The following ITGA4 variants were observed in gnomAD, a reference collection of about 807,000 sequenced individuals.
ITGA4 encodes the protein integrin alpha-4.
Under a neutral mutation model 133.6 loss-of-function variants are expected in ITGA4, and 63 were observed. The ratio of observed to expected loss-of-function variants is 0.47; its 90% CI spans 0.38 to 0.58. The LOEUF (loss-of-function observed/expected upper bound fraction) is 0.58, where lower values mean the gene tolerates loss of function less well. Ranked by LOEUF, ITGA4 falls within the 20% of genes least tolerant of loss-of-function variation. The pLI is 0.00. For synonymous variants in ITGA4, 483 were observed against 438.0 expected (o/e 1.10, Z -1.28); for missense variants, 1,076 against 1,252.7 (o/e 0.86, Z 2.13).
chr2:181,511,347 A>G (rs1204181456), intron 16 of ITGA4, among the ~76,000 whole-genome samples: 1 of 152,124 alleles, frequency 6.6e-6, no homozygotes, highest in Non-Finnish European at 1.5e-5. Flanking sequence ...AAATGGGATC[A>G]AACTGCAGCA....
rs1553511174 is a variant in ITGA4 at position 181,537,261 on chromosome 2, C to CCTACTCAGAACTACT, written c.*1736_*1750dup. ...TAAGGAAATTTACATTTGGTTCTTT[C>CCTACTCAGAACTACT]CTACTCAGAACTACTCAGAAACAAC... On this transcript the variant is annotated 3_prime_UTR_variant, in exon 28 of 28. Transcript: ENST00000397033. 13 of 453,706 alleles carry CCTACTCAGAACTACT rather than the reference C, an allele frequency of 2.9e-5. No homozygotes were observed. Among genetic ancestry groups the CCTACTCAGAACTACT allele is most frequent in the Non-Finnish European group, 5.3e-5 (12 of 226,734 alleles). The allele number at this position is 453,706 out of a possible 1,614,324, so 28.1% of individuals were successfully genotyped here. A position where few individuals can be genotyped will look rare whatever the true frequency, so the allele number is the denominator to read the frequency against.
Position 181,495,951 on chromosome 2 carries a change from A to G in ITGA4, c.1540+14A>G, listed in dbSNP as rs1229526497. The G allele has an allele frequency of 2.5e-6, 4 of 1,612,154 alleles. No homozygotes were observed. The highest frequency in any genetic ancestry group is 3.4e-6 in the Non-Finnish European group (4 of 1,178,714). ...CAGGTTACATTGGTGGGTATGCCCT[A>G]CAATATTAATGCTTGATGGGGTGCG... On this transcript the variant is annotated intron_variant, in intron 14 of 27. Coordinates refer to ENST00000397033, the MANE Select transcript of ITGA4 (RefSeq NM_000885.6). The surrounding 1 kb of genome is among the most constrained non-coding windows in gnomAD (Gnocchi z 4.3).
chr2:181,496,800 C>T (rs769686000), intron 14 of ITGA4, among the ~76,000 whole-genome samples: 10 of 152,274 alleles, frequency 6.6e-5, no homozygotes, highest in Admixed American at 2.6e-4. Context: ...TAATTCACAA[C>T]GTTTATGATC....
chr2:181,507,556 C>A (rs11686132), intron 15 of ITGA4, among the ~76,000 whole-genome samples: 37,919 of 151,780 alleles, frequency 0.25, 5,185 homozygotes, highest in Non-Finnish European at 0.31. Flanking sequence ...TGCAGTAACC[C>A]TGGGGGATTG....
Position 181,495,596 on chromosome 2 carries a change from G to A in ITGA4, c.1385+180G>A, listed in dbSNP as rs1277832753. On this transcript the variant is annotated intron_variant, in intron 13 of 27. Transcript: ENST00000397033. This position sits in a 1 kb window ranked among gnomAD's most constrained non-coding sequence, Gnocchi z 4.3. ...ACAGAGATATAATTAAATCATCAAA[G>A]TCAATATTTTTAGACATTTAAATAA... 6.6e-6 allele frequency among the ~76,000 whole-genome samples: 1 copy of A among 152,078 alleles called. No homozygotes were observed. Among genetic ancestry groups the A allele is most frequent in the African/African-American group, 2.4e-5 (1 of 41,396 alleles).
intron 4 of ITGA4, 58 bp from the exon 5 acceptor site, chr2:181,478,699 A>C (rs564376848): frequency 1.4e-6 from 1 of 739,564 alleles, no homozygotes; most frequent in Non-Finnish European, 2.1e-6. Context: ...TAAGAAACAA[A>C]TTATGGAGAT....
intron 10 of ITGA4, among the ~76,000 whole-genome samples, chr2:181,491,676 C>A (rs1686050884): frequency 1.3e-4 from 1 of 7,656 alleles, no homozygotes; most frequent in Non-Finnish European, 1.1e-3. Flanking sequence ...ATAAACCCAG[C>A]CCTGATTAAA....
chr2:181,513,248 A>T (rs954078118), intron 17 of ITGA4, among the ~76,000 whole-genome samples: 1 of 151,976 alleles, frequency 6.6e-6, no homozygotes, highest in African/African-American at 2.4e-5. Flanking sequence ...TACACTGCTG[A>T]TGCCTAAACC....
In ITGA4 at chr2:181,466,046, T is replaced by C. The variant is rs570997913; in HGVS notation, c.319+7729T>C. Among the ~76,000 whole-genome samples, 40 of 152,250 alleles carry C rather than the reference T, an allele frequency of 2.6e-4. No individual in the cohort carries two copies. The South Asian group carries it at 8.1e-3, about 31-fold the overall frequency. On this transcript the variant is annotated intron_variant, in intron 2 of 27. Transcript: ENST00000397033. ...CTTTAAATTATGCTTACAAAATGTATCAGCTGGGGCACATTTTTCAGCTTT... is the reference window on the plus strand; with the variant it reads ...CTTTAAATTATGCTTACAAAATGTACCAGCTGGGGCACATTTTTCAGCTTT...
At chr2:181,486,092 G>A (rs1355717952) in intron 10 of ITGA4, 100 bp downstream of exon 10, 1 of 1,436,894 alleles carries the variant, frequency 7.0e-7, no homozygotes, top group Non-Finnish European at 9.2e-7. Flanking sequence ...TCCTATAGAA[G>A]ATGGAGCCAG....
At chr2:181,483,689 G>A (rs1282707056) in intron 9 of ITGA4, among the ~76,000 whole-genome samples, 1 of 151,958 alleles carries the variant, frequency 6.6e-6, no homozygotes, top group Non-Finnish European at 1.5e-5. Flanking sequence ...AATAGTAAAA[G>A]CAAATTATCT....
intron 25 of ITGA4, among the ~76,000 whole-genome samples, chr2:181,533,755 C>T (rs1017479190): frequency 1.3e-5 from 2 of 152,148 alleles, no homozygotes; most frequent in African/African-American, 4.8e-5. Flanking sequence ...AATATATTCT[C>T]ATCTCCCTCA....
At chr2:181,473,790 G>A (rs1559039486) in intron 2 of ITGA4, among the ~76,000 whole-genome samples, 2 of 152,140 alleles carry the variant, frequency 1.3e-5, no homozygotes, top group Admixed American at 1.3e-4. Flanking sequence ...AACATAGTGA[G>A]ACCCCCATTG....
chr2:181,503,188 C>T (rs1198380127), intron 15 of ITGA4, among the ~76,000 whole-genome samples: 1 of 152,062 alleles, frequency 6.6e-6, no homozygotes, highest in African/African-American at 2.4e-5. Context: ...ACTTTGATTA[C>T]CTTATGCAAA....
At chr2:181,497,741 CTA>C (rs1235430577) in intron 14 of ITGA4, among the ~76,000 whole-genome samples, 8 of 152,080 alleles carry the variant, frequency 5.3e-5, no homozygotes, top group African/African-American at 1.9e-4. Flanking sequence ...ATTATTGCCT[CTA>C]TGTAGTGAGT....
chr2:181,498,664 G>C lies in ITGA4; in HGVS notation c.1582G>C (p.Glu528Gln), dbSNP rs200957447. The C allele has an allele frequency of 2.3e-4, 367 of 1,611,918 alleles. 1 individual carries two copies. Among genetic ancestry groups the C allele is most frequent in the Middle Eastern group, 3.3e-4 (2 of 6,046 alleles). Residue 528 changes from glutamate to glutamine, a missense_variant, in exon 15 of 28, where the codon GAG (glutamate) becomes CAG (glutamine). Transcript: ENST00000397033. ...GAGTTTGGATGTGAACAGAAAGGCA[G>C]AGTCTCCACCAAGATTCTATTTCTC... is the stretch of plus-strand genomic sequence containing the variant. ...NMSLDVNRKA[E>Q]SPPRFYFSSN... is the part of the protein sequence containing the mutation.
At chr2:181,530,438 C>A in intron 23 of ITGA4, 86 bp from the exon 24 acceptor site, 1 of 1,251,072 alleles carries the variant, frequency 8.0e-7, no homozygotes, top group Non-Finnish European at 1.1e-6. Context: ...CAAAGATAAG[C>A]TACTGGAACT....
intron 15 of ITGA4, among the ~76,000 whole-genome samples, chr2:181,504,801 T>G (rs1255553350): frequency 6.6e-6 from 1 of 151,944 alleles, no homozygotes; most frequent in Non-Finnish European, 1.5e-5. Flanking sequence ...ATAAGAAAAA[T>G]CTGAGAATGT....
chr2:181,478,699 A>G lies in ITGA4; in HGVS notation c.557-58A>G, dbSNP rs564376848. 108 of 739,564 alleles carry G rather than the reference A, an allele frequency of 1.5e-4. No individual in the cohort carries two copies. The African/African-American group carries it at 1.8e-3, about 12-fold the overall frequency. The allele number at this position is 739,564 out of a possible 1,614,324, so 45.8% of individuals were successfully genotyped here. On this transcript the variant is annotated intron_variant, in intron 4 of 27. Coordinates refer to ENST00000397033, the MANE Select transcript of ITGA4 (RefSeq NM_000885.6). ...ATTTTTGTAAGGATTTAAGAAACAA[A>G]TTATGGAGATTTTATCTTTAAGATA... is the stretch of plus-strand genomic sequence containing the variant.
Sources: allele counts gnomAD v4.1 joint callset (sites outside exome capture counted in the v4.1 genomes callset), GRCh38; gene constraint gnomAD v4.1.1; non-coding constraint Gnocchi (gnomAD v3.1); transcripts MANE v1.5; gene names NCBI Gene and HGNC (gene_info 2026-07-23, HGNC 2026-07-21).